Variants in APBB2 observed in about 807,000 individuals in gnomAD.
APBB2 encodes Fe65-like 1.
In APBB2, 38 loss-of-function variants were observed where a neutral mutation model predicts 82.5. That is an observed-to-expected ratio of 0.46 (90% confidence interval 0.36 to 0.60). The LOEUF (loss-of-function observed/expected upper bound fraction) is 0.60, where lower values mean the gene tolerates loss of function less well. APBB2 is among the 20% of genes least tolerant of loss of function. The probability of loss-of-function intolerance (pLI) is 0.00; values close to 1 mark genes in which losing one functional copy is unlikely to be tolerated. For missense variants in APBB2, 772 were observed against 972.3 expected (o/e 0.79, Z 2.74); for synonymous variants, 341 against 368.2 (o/e 0.93, Z 0.85).
chr4:40,952,805 A>G (rs1790569133), intron 6 of APBB2, among the ~76,000 whole-genome samples: 1 of 152,220 alleles, frequency 6.6e-6, no homozygotes. Context: ...AAAGCTAGTA[A>G]CAGTAACAGC....
intron 2 of APBB2, among the ~76,000 whole-genome samples, chr4:41,140,167 C>T (rs958034502): frequency 6.6e-6 from 1 of 152,202 alleles, no homozygotes; most frequent in Non-Finnish European, 1.5e-5. Flanking sequence ...AGAACAGCAG[C>T]TGTTACCTTG....
chr4:40,960,505 T>A (rs1441923112), intron 6 of APBB2, among the ~76,000 whole-genome samples: 2 of 143,886 alleles, frequency 1.4e-5, no homozygotes, highest in Non-Finnish European at 3.0e-5. Flanking sequence ...TGGAGTGCAG[T>A]GGTGTGATCT....
At chr4:41,032,909 C>T (rs1254851114) in intron 5 of APBB2, among the ~76,000 whole-genome samples, 4 of 149,052 alleles carry the variant, frequency 2.7e-5, no homozygotes, top group South Asian at 2.1e-4. Context: ...CTCAGCCTCC[C>T]GTGTAGCTGG....
intron 12 of APBB2, among the ~76,000 whole-genome samples, chr4:40,841,669 ATTATTTATTTAT>A (rs556036924): frequency 1.3e-5 from 2 of 151,994 alleles, no homozygotes; most frequent in East Asian, 1.9e-4. Flanking sequence ...AAGCACTAAT[ATTATTTATTTAT>A]TTATTTATTT....
At chr4:40,897,362 G>A (rs183307383) in intron 10 of APBB2, among the ~76,000 whole-genome samples, 2 of 152,254 alleles carry the variant, frequency 1.3e-5, no homozygotes, top group Admixed American at 6.5e-5. Context: ...AAATTAGCCA[G>A]GTGTGGTGGC....
At chr4:41,120,767 T>C (rs569693009) in intron 2 of APBB2, among the ~76,000 whole-genome samples, 2 of 152,344 alleles carry the variant, frequency 1.3e-5, no homozygotes, top group East Asian at 3.9e-4. Context: ...CAGCCTAAAA[T>C]TGACTTCTGC....
rs372303089 is a variant in APBB2, at chr4:41,013,619, G to C, written c.799C>G (p.Gln267Glu). Residue 267 changes from glutamine to glutamate, a missense_variant, in exon 6 of 18, where the codon CAA becomes GAA. By Grantham distance (29) the Gln-to-Glu change is conservative. Coordinates refer to ENST00000508593, the MANE Select transcript of APBB2 (RefSeq NM_004307.2). ...GGGGAGCTGGGTGAGGCACTGTCTT[G>C]GGACAACGTTGTCCAGCTGGACTCC... Reference protein sequence around the residue: ...DEESSWTTLSQDSASPSSPDE... With the variant: ...DEESSWTTLSEDSASPSSPDE... 2.5e-6 allele frequency: 4 copies of C among 1,614,072 alleles called. No individual in the cohort carries two copies. The highest frequency in any genetic ancestry group is 2.2e-5 in the South Asian group (2 of 91,086).
chr4:41,119,040 G>C (rs376376426), intron 2 of APBB2, among the ~76,000 whole-genome samples: 9 of 152,178 alleles, frequency 5.9e-5, no homozygotes, highest in African/African-American at 1.4e-4. Context: ...TCAGGAGGAG[G>C]GGGCAGGAAG....
intron 2 of APBB2, among the ~76,000 whole-genome samples, chr4:41,106,898 T>C (rs1185997819): frequency 2.0e-5 from 3 of 152,140 alleles, no homozygotes; most frequent in Admixed American, 6.6e-5. Context: ...CAGAACATCT[T>C]ACTGTGCCAA....
At chr4:40,920,388 C>T (rs1196443194) in intron 10 of APBB2, among the ~76,000 whole-genome samples, 8 of 152,168 alleles carry the variant, frequency 5.3e-5, no homozygotes, top group Non-Finnish European at 8.8e-5. Context: ...TCTTTATTAG[C>T]AGCATCAGAA....
Position 40,890,435 on chromosome 4 carries a change from C to A in APBB2, c.1458G>T (p.Met486Ile). The A allele has an allele frequency of 6.2e-7, 1 of 1,614,112 alleles. No individual in the cohort carries two copies. The highest frequency in any genetic ancestry group is 8.5e-7 in the Non-Finnish European group (1 of 1,180,010). Residue 486 changes from methionine to isoleucine, a missense_variant, in exon 12 of 18, where the codon ATG becomes ATT. Met to Ile is a conservative substitution (Grantham distance 10, BLOSUM62 1). Coordinates refer to ENST00000508593, the MANE Select transcript of APBB2 (RefSeq NM_004307.2). Reference protein sequence around the residue: ...ENDMLSLVDPMDRSVLHSQPI... With the variant: ...ENDMLSLVDPIDRSVLHSQPI... ...GCTGCGAGTGCAGCACGCTGCGGTC[C>A]ATGGGGTCCACCAGGCTGAGCATGT... is the stretch of plus-strand genomic sequence containing the variant.
chr4:41,009,307 G>A lies in APBB2; in HGVS notation c.835+4276C>T, dbSNP rs147166514. ...CCTTTCTTTTAGAATCAGGGCCAAGGCACTCTTTAACTTTTCTAAACTCCT... is the reference window on the plus strand; with the variant it reads ...CCTTTCTTTTAGAATCAGGGCCAAGACACTCTTTAACTTTTCTAAACTCCT... On this transcript the variant is annotated intron_variant, in intron 6 of 17. Transcript: ENST00000508593. 6.6e-3 allele frequency among the ~76,000 whole-genome samples: 985 copies of A among 149,674 alleles called. 15 individuals are homozygous for A. Among genetic ancestry groups the A allele is most frequent in the Middle Eastern group, 0.024 (7 of 294 alleles).
Position 41,014,031 on chromosome 4 carries a change from G to A in APBB2, c.387C>T (p.Asn129=). The A allele has an allele frequency of 1.2e-6, 2 of 1,614,174 alleles. No homozygotes were observed. The highest frequency in any genetic ancestry group is 2.2e-5 in the East Asian group (1 of 44,876). Residue 129 remains asparagine, a synonymous_variant, in exon 6 of 18, where the codon AAC becomes AAT. Coordinates refer to ENST00000508593, the MANE Select transcript of APBB2 (RefSeq NM_004307.2). ...NKNLSPTAVI[N]ITSEKLEGKE... is the part of the protein sequence containing the mutation. ...TACCCTCTAACTTCTCAGAAGTTATGTTGATGACTGCAGTGGGGCTCAGGT... is the reference window on the plus strand; with the variant it reads ...TACCCTCTAACTTCTCAGAAGTTATATTGATGACTGCAGTGGGGCTCAGGT...
intron 6 of APBB2, among the ~76,000 whole-genome samples, chr4:40,946,222 A>T (rs147926517): frequency 3.4e-5 from 4 of 117,950 alleles, no homozygotes; most frequent in Non-Finnish European, 1.7e-5. Flanking sequence ...ACAGAGTGAG[A>T]CTCTATCTCC....
chr4:41,176,734 T>C (rs1034746798), intron 1 of APBB2, among the ~76,000 whole-genome samples: 3 of 151,748 alleles, frequency 2.0e-5, no homozygotes, highest in Non-Finnish European at 4.4e-5. Context: ...GCAAAACAAA[T>C]GAAAAGCTAA....
chr4:40,921,226 C>T (rs1372001901), intron 10 of APBB2, among the ~76,000 whole-genome samples: 2 of 152,182 alleles, frequency 1.3e-5, no homozygotes, highest in Admixed American at 6.5e-5. Flanking sequence ...CTATGAACAT[C>T]GGCTAACATA....
chr4:40,993,361 CTTTTTTTTTTTTTT>C (rs34787320), intron 6 of APBB2, among the ~76,000 whole-genome samples: 1 of 114,616 alleles, frequency 8.7e-6, no homozygotes, highest in African/African-American at 3.5e-5. Context: ...ACTCTTCTCT[CTTTTTTTTTTTTTT>C]TTTTTTTTTT....
chr4:40,855,295 C>T (rs147565899), intron 12 of APBB2, among the ~76,000 whole-genome samples: 30 of 152,308 alleles, frequency 2.0e-4, no homozygotes, highest in Admixed American at 1.6e-3. Context: ...TTTATTATGC[C>T]ACTTAATCAC....
chr4:41,031,637 T>C (rs549277246), intron 5 of APBB2, among the ~76,000 whole-genome samples: 13 of 152,348 alleles, frequency 8.5e-5, no homozygotes, highest in Admixed American at 5.2e-4. Context: ...TAGAAGTTAT[T>C]TGATTAGTCC....
Sources: gnomAD v4.1 joint callset for allele counts (sites outside exome capture counted in the v4.1 genomes callset) on GRCh38, gnomAD v4.1.1 for gene constraint, MANE v1.5 for transcripts, NCBI Gene and HGNC (gene_info 2026-07-23, HGNC 2026-07-21) for gene names.